ZNF618: variants seen among roughly 807,000 people sequenced by gnomAD.
ZNF618 encodes the protein neural precursor cell expressed, developmentally down-regulated 10.
In ZNF618, 34 loss-of-function variants were observed where a neutral mutation model predicts 103.0. That is an observed-to-expected ratio of 0.33 (90% CI 0.25 to 0.44). The LOEUF is 0.44. ZNF618 is among the 20% of genes least tolerant of loss of function. ZNF618 has a pLI of 1.00. For synonymous variants in ZNF618, 551 were observed against 542.2 expected, an observed-to-expected ratio of 1.02 and a Z score of -0.23; for missense variants, 1,059 against 1,295.4, an observed-to-expected ratio of 0.82 and a Z score of 2.80.
intron 13 of ZNF618, among the ~76,000 whole-genome samples, chr9:114,047,196 A>G (rs1291671091): frequency 1.3e-5 from 2 of 152,238 alleles, no homozygotes; most frequent in Non-Finnish European, 2.9e-5. Flanking sequence ...ATACCACTGC[A>G]TATGTGCAAT....
intron 9 of ZNF618, among the ~76,000 whole-genome samples, chr9:114,010,400 A>G (rs770404765): frequency 6.6e-6 from 1 of 151,974 alleles, no homozygotes; most frequent in Non-Finnish European, 1.5e-5. Flanking sequence ...TGAATCAGGC[A>G]TATTTGCAGC....
At chr9:113,899,503 C>T (rs187799810) in intron 1 of ZNF618, among the ~76,000 whole-genome samples, 20 of 152,302 alleles carry the variant, frequency 1.3e-4, no homozygotes, top group Admixed American at 7.8e-4. Context: ...CATAGGAGCG[C>T]GAACCCTATT....
chr9:113,931,029 T>C (rs1833536808), intron 1 of ZNF618, among the ~76,000 whole-genome samples: 3 of 152,198 alleles, frequency 2.0e-5, no homozygotes, highest in African/African-American at 7.2e-5. Flanking sequence ...TTTTACTTTT[T>C]TAGGATAGAA....
intron 1 of ZNF618, among the ~76,000 whole-genome samples, chr9:113,930,812 T>C (rs1258581168): frequency 6.6e-6 from 1 of 152,206 alleles, no homozygotes; most frequent in Non-Finnish European, 1.5e-5. Flanking sequence ...TATTGAACTG[T>C]CACTTTTCTG....
intron 1 of ZNF618, among the ~76,000 whole-genome samples, chr9:113,966,039 AC>A (rs1401196804): frequency 3.9e-5 from 6 of 152,156 alleles, no homozygotes; most frequent in African/African-American, 1.4e-4. Context: ...TTCATCTTAT[AC>A]ATATCATTCT....
chr9:113,963,007 CTTAT>C (rs1241246606), intron 1 of ZNF618, among the ~76,000 whole-genome samples: 3 of 152,178 alleles, frequency 2.0e-5, no homozygotes, highest in Admixed American at 6.5e-5. Flanking sequence ...GTGAATTTTC[CTTAT>C]TTGAGTCTTG....
At chr9:113,986,344 G>A (rs566831882) in intron 2 of ZNF618, among the ~76,000 whole-genome samples, 7 of 152,334 alleles carry the variant, frequency 4.6e-5, no homozygotes, top group Admixed American at 6.5e-5. Context: ...CTCGTGTTCC[G>A]TCCATCTGAG....
chr9:114,009,590 A>G (rs1456623135), intron 9 of ZNF618, among the ~76,000 whole-genome samples: 2 of 152,080 alleles, frequency 1.3e-5, no homozygotes, highest in East Asian at 3.9e-4. Flanking sequence ...CATACCTGCT[A>G]TTTATCTCTC....
At chr9:114,018,040 CTT>C (rs1319510237) in intron 10 of ZNF618, among the ~76,000 whole-genome samples, 2 of 152,180 alleles carry the variant, frequency 1.3e-5, no homozygotes, top group Non-Finnish European at 2.9e-5. Flanking sequence ...TCTCTGGGCT[CTT>C]TTCCCATCTG....
chr9:114,039,911 A>G lies in ZNF618; in HGVS notation c.1246+3534A>G, dbSNP rs867527336. On this transcript the variant is annotated intron_variant, in intron 13 of 14. Coordinates refer to ENST00000374126, the MANE Select transcript of ZNF618 (RefSeq NM_001318042.2). ...GAAGCAACCTTTATTCCAGCTTCGC[A>G]TCCAGCCCTTTACAAATGTACATGT... Among the ~76,000 whole-genome samples, 75 of 152,200 alleles carry G rather than the reference A, an allele frequency of 4.9e-4. 1 individual carries two copies. The highest frequency in any genetic ancestry group is 1.8e-3 in the African/African-American group (75 of 41,498).
intron 1 of ZNF618, among the ~76,000 whole-genome samples, chr9:113,960,259 G>A (rs1474276005): frequency 6.6e-6 from 1 of 152,176 alleles, no homozygotes; most frequent in Non-Finnish European, 1.5e-5. Flanking sequence ...GGGACAGTGG[G>A]CTCTCTGTGC....
chr9:114,045,539 G>A (rs1428269453), intron 13 of ZNF618, among the ~76,000 whole-genome samples: 1 of 151,882 alleles, frequency 6.6e-6, no homozygotes, highest in African/African-American at 2.4e-5. Context: ...AAATGTAGGT[G>A]CTTATTTCTA....
chr9:113,946,926 T>C (rs997292753), intron 1 of ZNF618, among the ~76,000 whole-genome samples: 2 of 152,184 alleles, frequency 1.3e-5, no homozygotes, highest in Non-Finnish European at 2.9e-5. Context: ...ACATGTTCCC[T>C]GCAGCCCATT....
chr9:113,884,800 GA>G (rs1828908645), intron 1 of ZNF618, among the ~76,000 whole-genome samples: 2 of 151,856 alleles, frequency 1.3e-5, no homozygotes, highest in Non-Finnish European at 2.9e-5. Flanking sequence ...GAGAGAGAGA[GA>G]GAGAGAGAGA....
intron 1 of ZNF618, among the ~76,000 whole-genome samples, chr9:113,910,986 A>C (rs1393407872): frequency 6.6e-6 from 1 of 151,916 alleles, no homozygotes; most frequent in Non-Finnish European, 1.5e-5. Flanking sequence ...GCCTGCCACT[A>C]TGCCTGGCTA....
intron 6 of ZNF618, among the ~76,000 whole-genome samples, 166 bp downstream of exon 6, chr9:114,002,828 G>A (rs550896786): frequency 2.6e-5 from 4 of 152,316 alleles, no homozygotes; most frequent in African/African-American, 7.2e-5. Flanking sequence ...ACCGCAATGC[G>A]GTACCTCAGA....
chr9:113,927,133 G>A (rs1833173298), intron 1 of ZNF618, among the ~76,000 whole-genome samples: 1 of 152,094 alleles, frequency 6.6e-6, no homozygotes, highest in Non-Finnish European at 1.5e-5. Context: ...ATAATTTTTT[G>A]TTGAAAGCTG....
At chr9:113,976,461 T>C (rs1178250619) in intron 2 of ZNF618, among the ~76,000 whole-genome samples, 2 of 152,176 alleles carry the variant, frequency 1.3e-5, no homozygotes, top group Admixed American at 1.3e-4. Context: ...CCAGGAAATT[T>C]GCACAACCTC....
chr9:113,961,709 A>G (rs1325562251), intron 1 of ZNF618, among the ~76,000 whole-genome samples: 3 of 152,258 alleles, frequency 2.0e-5, no homozygotes, highest in East Asian at 1.9e-4. Flanking sequence ...AGAATTTATC[A>G]TATATTTGGT....
Sources: gnomAD v4.1 joint callset for allele counts (sites outside exome capture counted in the v4.1 genomes callset) on GRCh38, gnomAD v4.1.1 for gene constraint, MANE v1.5 for transcripts, NCBI Gene and HGNC (gene_info 2026-07-23, HGNC 2026-07-21) for gene names.